Variants in CHD3 observed in about 807,000 individuals in gnomAD.
CHD3 encodes the protein chromodomain helicase DNA binding protein 3, also known as ATP-dependent chromatin remodeler CHD3.
A neutral mutation model predicts 248.9 loss-of-function variants in CHD3; 52 were observed. The ratio of observed to expected loss-of-function variants is 0.21; its 90% CI spans 0.17 to 0.26. The LOEUF (loss-of-function observed/expected upper bound fraction) is 0.26, where lower values mean the gene tolerates loss of function less well. Ranked by LOEUF, CHD3 falls within the 10% of genes least tolerant of loss-of-function variation. CHD3 has a pLI of 1.00. For missense variants in CHD3, 1,482 were observed against 2,605.8 expected (o/e 0.57, Z 9.39); for synonymous variants, 985 against 985.2 (o/e 1.00, Z 0.00).
chr17:7,890,905 G>C, intron 3 of CHD3, 35 bp from the exon 4 acceptor site: 11 of 1,613,084 alleles, frequency 6.8e-6, no homozygotes, highest in Non-Finnish European at 9.3e-6. Flanking sequence ...AGGGGCTGGA[G>C]GAGCACCTAC....
intron 12 of CHD3, among the ~76,000 whole-genome samples, 175 bp from the exon 13 acceptor site, chr17:7,898,321 G>C (rs943311172): frequency 3.3e-5 from 5 of 152,180 alleles, no homozygotes; most frequent in African/African-American, 9.7e-5. Flanking sequence ...GTTCAAGAGT[G>C]GGGAGGGCTG....
At position 7,894,225 on chromosome 17, in the gene CHD3, G is replaced by A. The variant is rs545125140; in HGVS notation, c.1035G>A (p.Lys345=). 9 of 1,614,196 alleles carry A rather than the reference G, an allele frequency of 5.6e-6. 1 individual carries two copies. The South Asian group carries it at 9.9e-5, about 18-fold the overall frequency. ...GGCCTGATGGCCCTGTCCGCACCAA[G>A]AAACTAAAGAGAGGCCGGCCAGGAA... ...SGRPDGPVRT[K]KLKRGRPGRK... Residue 345 remains lysine, a synonymous_variant, in exon 7 of 40, where the codon AAG becomes AAA. Coordinates refer to ENST00000330494, the MANE Select transcript of CHD3 (RefSeq NM_001005273.3).
Position 7,903,650 on chromosome 17 carries a change from G to A in CHD3, c.3727+147G>A. ...TTTAGTAGCCCTTGGAGGAAGGTTG[G>A]CCTCTTTCTTTGCCTGTAGGGTTAA... is the stretch of plus-strand genomic sequence containing the variant. On this transcript the variant is annotated intron_variant, in intron 23 of 39. Coordinates refer to ENST00000330494, the MANE Select transcript of CHD3 (RefSeq NM_001005273.3). The surrounding 1 kb of genome is among the most constrained non-coding windows in gnomAD (Gnocchi z 6.8). 1 of 1,016,662 alleles carries A rather than the reference G, an allele frequency of 9.8e-7. No individual in the cohort carries two copies. The highest frequency in any genetic ancestry group is 1.4e-6 in the Non-Finnish European group (1 of 700,162). 63.0% of individuals were successfully genotyped at this position (1,016,662 alleles called of 1,614,324 possible).
upstream of CHD3, chr17:7,888,709 A>G: frequency 4.3e-6 from 3 of 705,510 alleles, no homozygotes; most frequent in Non-Finnish European, 5.8e-6. Flanking sequence ...TGTGGGCCTG[A>G]GAGTGTGTGT....
Position 7,903,637 on chromosome 17 carries a change from T to C in CHD3, c.3727+134T>C. ...AGGAGAGCCTTCTTTTAGTAGCCCT[T>C]GGAGGAAGGTTGGCCTCTTTCTTTG... On this transcript the variant is annotated intron_variant, in intron 23 of 39. Coordinates refer to ENST00000330494, the MANE Select transcript of CHD3 (RefSeq NM_001005273.3). This position sits in a 1 kb window ranked among gnomAD's most constrained non-coding sequence, Gnocchi z 6.8. 1 of 1,001,380 alleles carries C rather than the reference T, an allele frequency of 1.0e-6. No individual in the cohort carries two copies. The highest frequency in any genetic ancestry group is 1.5e-6 in the Non-Finnish European group (1 of 684,392). 62.0% of individuals were successfully genotyped at this position (1,001,380 alleles called of 1,614,324 possible). A position where few individuals can be genotyped will look rare whatever the true frequency, so the allele number is the denominator to read the frequency against.
In CHD3 at chr17:7,909,014, C is replaced by A; in HGVS notation, c.5395-129C>A. On this transcript the variant is annotated intron_variant, in intron 36 of 39. Coordinates refer to ENST00000330494, the MANE Select transcript of CHD3 (RefSeq NM_001005273.3). This position sits in a 1 kb window ranked among gnomAD's most constrained non-coding sequence, Gnocchi z 8.1. ...TCAGGGTTGCTGCTAGGTTCGCAGT[C>A]GGTTTGGAGCTGGGAGTGCCCTGGG... The A allele has an allele frequency of 7.1e-7, 1 of 1,409,954 alleles. No individual in the cohort carries two copies. Among genetic ancestry groups the A allele is most frequent in the East Asian group, 2.5e-5 (1 of 40,570 alleles). 87.3% of individuals were successfully genotyped at this position (1,409,954 alleles called of 1,614,324 possible).
chr17:7,885,063 C>T (rs1330718204), upstream of CHD3: 45 of 990,750 alleles, frequency 4.5e-5, 1 homozygote, highest in Non-Finnish European at 5.4e-5. Flanking sequence ...CTGCCCCCGC[C>T]GCCGCCGCCC....
chr17:7,885,835 T>TCCACGCAGA (rs888695082), upstream of CHD3, among the ~76,000 whole-genome samples: 6 of 152,170 alleles, frequency 3.9e-5, no homozygotes, highest in African/African-American at 1.4e-4. Context: ...GTGGCCACAG[T>TCCACGCAGA]CCACGCAGAC....
chr17:7,897,242 C>T lies in CHD3; in HGVS notation c.1867C>T (p.Arg623Cys), dbSNP rs923486409. 6.2e-7 allele frequency: 1 copy of T among 1,614,118 alleles called. No homozygotes were observed. The highest frequency in any genetic ancestry group is 8.5e-7 in the Non-Finnish European group (1 of 1,180,022). The change falls in exon 11 of 40, where the codon CGT becomes TGT. Residue 623 changes from arginine to cysteine, a missense_variant. By Grantham distance (180) the Arg-to-Cys change is radical (BLOSUM62 -3). Transcript: ENST00000330494. This position sits in a 1 kb window ranked among gnomAD's most constrained non-coding sequence, Gnocchi z 4.8. ...TGCTGAGATGGAGGAGAAGTACTAT[C>T]GTTTTGGCATCAAGCCAGAGTGGAT... ...HYAEMEEKYY[R>C]FGIKPEWMTV...
Position 7,889,215 on chromosome 17 carries a change from T to A in CHD3, c.100+115T>A. 1 of 1,343,514 alleles carries A rather than the reference T, an allele frequency of 7.4e-7. No homozygotes were observed. Among genetic ancestry groups the A allele is most frequent in the Admixed American group, 2.0e-5 (1 of 49,048 alleles). 83.2% of individuals were successfully genotyped at this position (1,343,514 alleles called of 1,614,324 possible). On this transcript the variant is annotated intron_variant, in intron 1 of 39. Coordinates refer to ENST00000330494, the MANE Select transcript of CHD3 (RefSeq NM_001005273.3). This position sits in a 1 kb window ranked among gnomAD's most constrained non-coding sequence, Gnocchi z 4.5. ...CACCTTTGGCTCTCCCTCCCCAGCA[T>A]CTGGCTTAGGGAGCTGCCAGCTTGT...
rs141804435 is a variant in CHD3 at position 7,899,345 on chromosome 17, C to T, written c.2346C>T (p.Gly782=). 108 of 1,613,796 alleles carry T rather than the reference C, an allele frequency of 6.7e-5. No individual in the cohort carries two copies. Among genetic ancestry groups the T allele is most frequent in the Non-Finnish European group, 8.6e-5 (101 of 1,179,890 alleles). ...CTGCCCCCATTCTTGACTCCCAGGG[C>T]CACACAAAAGGTCCCTTCCTGGTGA... The part of the protein sequence containing the change: ...IVFLYSLYKE[G]HTKGPFLVSA... Residue 782 remains glycine (G), a splice_region_variant and synonymous_variant, in exon 15 of 40, where the codon GGC becomes GGT. Coordinates refer to ENST00000330494, the MANE Select transcript of CHD3 (RefSeq NM_001005273.3). This position sits in a 1 kb window ranked among gnomAD's most constrained non-coding sequence, Gnocchi z 6.8.
In CHD3 at chr17:7,908,368, C is replaced by T; in HGVS notation, c.5153-34C>T. 1 of 1,565,102 alleles carries T rather than the reference C, an allele frequency of 6.4e-7. No homozygotes were observed. Reference sequence around the variant, plus strand: ...TGGACTGAGTGCAGTCTGCAAAACCCTGTTACCTCTTCTGTCTGCTGCCTT... The same window carrying T: ...TGGACTGAGTGCAGTCTGCAAAACCTTGTTACCTCTTCTGTCTGCTGCCTT... On this transcript the variant is annotated intron_variant, in intron 34 of 39. Coordinates refer to ENST00000330494, the MANE Select transcript of CHD3 (RefSeq NM_001005273.3). This position sits in a 1 kb window ranked among gnomAD's most constrained non-coding sequence, Gnocchi z 5.8.
rs1422327270 is a variant in CHD3, at chr17:7,912,749, T to C, written c.*1164T>C. 1.5e-5 allele frequency: 2 copies of C among 133,628 alleles called. No homozygotes were observed. Among genetic ancestry groups the C allele is most frequent in the Non-Finnish European group, 3.2e-5 (2 of 63,258 alleles). 8.3% of individuals were successfully genotyped at this position (133,628 alleles called of 1,614,324 possible). A position where few individuals can be genotyped will look rare whatever the true frequency, so the allele number is the denominator to read the frequency against. ...TTGGTTGTACATATAAATTATACTT[T>C]CCTTTCTGTGTGCTCTGTTATTTTT... On this transcript the variant is annotated 3_prime_UTR_variant, in exon 40 of 40. Transcript: ENST00000330494.
In CHD3 at chr17:7,889,018, T is replaced by C; in HGVS notation, c.18T>C (p.Thr6=). 2 of 1,614,240 alleles carry C rather than the reference T, an allele frequency of 1.2e-6. No individual in the cohort carries two copies. Among genetic ancestry groups the C allele is most frequent in the South Asian group, 2.2e-5 (2 of 91,090 alleles). Residue 6 remains threonine, a synonymous_variant, in exon 1 of 40, where the codon ACT becomes ACC. Coordinates refer to ENST00000330494, the MANE Select transcript of CHD3 (RefSeq NM_001005273.3). This position sits in a 1 kb window ranked among gnomAD's most constrained non-coding sequence, Gnocchi z 4.5. Reference sequence around the variant, plus strand: ...CCTGTGTGATGAAGGCGGCAGACACTGTGATCCTGTGGGCAAGAAGTAAAA... The same window carrying C: ...CCTGTGTGATGAAGGCGGCAGACACCGTGATCCTGTGGGCAAGAAGTAAAA... MKAAD[T]VILWARSKND...
In CHD3 at chr17:7,907,320, C is replaced by G. The variant is rs1186977068; in HGVS notation, c.4789-33C>G. On this transcript the variant is annotated intron_variant, in intron 31 of 39. Coordinates refer to ENST00000330494, the MANE Select transcript of CHD3 (RefSeq NM_001005273.3). This position sits in a 1 kb window ranked among gnomAD's most constrained non-coding sequence, Gnocchi z 4.3. Reference sequence around the variant, plus strand: ...TGGAGGCCAGGTACCTGGGAGCCCTCTGGCTCATCCTGACCCCATTGTCCT... The same window carrying G: ...TGGAGGCCAGGTACCTGGGAGCCCTGTGGCTCATCCTGACCCCATTGTCCT... 1 of 1,610,620 alleles carries G rather than the reference C, an allele frequency of 6.2e-7. No homozygotes were observed. Among genetic ancestry groups the G allele is most frequent in the African/African-American group, 1.3e-5 (1 of 74,888 alleles).
In CHD3 at chr17:7,889,906, G is replaced by C. The variant is rs1242469101; in HGVS notation, c.213+130G>C. ...AAGCCAGGGAGGCTTGATCCCCCGG[G>C]CCCCCCACTTCCCTGCCACTGTTGG... On this transcript the variant is annotated intron_variant, in intron 2 of 39. Transcript: ENST00000330494. The surrounding 1 kb of genome is among the most constrained non-coding windows in gnomAD (Gnocchi z 4.5). 5.2e-5 allele frequency: 43 copies of C among 828,794 alleles called. No individual in the cohort carries two copies. The highest frequency in any genetic ancestry group is 1.1e-4 in the South Asian group (6 of 57,090). 51.3% of individuals were successfully genotyped at this position (828,794 alleles called of 1,614,324 possible).
chr17:7,889,104 A>G lies in CHD3; in HGVS notation c.100+4A>G, dbSNP rs1291660197. On this transcript the variant is annotated splice_donor_region_variant and intron_variant, in intron 1 of 39. Coordinates refer to ENST00000330494, the MANE Select transcript of CHD3 (RefSeq NM_001005273.3). The surrounding 1 kb of genome is among the most constrained non-coding windows in gnomAD (Gnocchi z 4.5). ...TGTTGGGGTGACAGGATGCCTGGTA[A>G]TTATCCGAGGAAATGTAAATAGAGG... is the stretch of plus-strand genomic sequence containing the variant. 1 of 1,614,166 alleles carries G rather than the reference A, an allele frequency of 6.2e-7. No homozygotes were observed. Among genetic ancestry groups the G allele is most frequent in the Non-Finnish European group, 8.5e-7 (1 of 1,179,996 alleles).
intron 7 of CHD3, 54 bp from the exon 8 acceptor site, chr17:7,894,361 C>A (rs1969348699): frequency 6.3e-7 from 1 of 1,589,596 alleles, no homozygotes; most frequent in African/African-American, 1.3e-5. Flanking sequence ...CTCCCTCTCT[C>A]TCTCCATCTC....
Position 7,905,415 on chromosome 17 carries a change from G to A in CHD3, c.4139-206G>A. ...CCACTGGTAATCTGGGCCTTTGTCAGATATCAGCTGTTAATTTTAAAATAT... is the reference window on the plus strand; with the variant it reads ...CCACTGGTAATCTGGGCCTTTGTCAAATATCAGCTGTTAATTTTAAAATAT... On this transcript the variant is annotated intron_variant, in intron 26 of 39. Transcript: ENST00000330494. The surrounding 1 kb of genome is among the most constrained non-coding windows in gnomAD (Gnocchi z 5.8). 1 of 617,196 alleles carries A rather than the reference G, an allele frequency of 1.6e-6. No homozygotes were observed. Among genetic ancestry groups the A allele is most frequent in the Non-Finnish European group, 2.9e-6 (1 of 348,654 alleles). 38.2% of individuals were successfully genotyped at this position (617,196 alleles called of 1,614,324 possible). A position where few individuals can be genotyped will look rare whatever the true frequency, so the allele number is the denominator to read the frequency against.
Sources: allele counts gnomAD v4.1 joint callset (sites outside exome capture counted in the v4.1 genomes callset), GRCh38; gene constraint gnomAD v4.1.1; non-coding constraint Gnocchi (gnomAD v3.1); transcripts MANE v1.5; gene names NCBI Gene and HGNC (gene_info 2026-07-23, HGNC 2026-07-21).